Variants in PRKN observed in about 807,000 individuals in gnomAD.
PRKN encodes the protein E3 ubiquitin-protein ligase parkin.
PRKN carries 56 observed loss-of-function variants against 59.5 expected under a neutral mutation model. That is an observed-to-expected ratio of 0.94 (90% CI 0.76 to 1.18). The LOEUF is 1.18. Among genes scored for constraint, PRKN ranks in the 50% most tolerant of loss-of-function variants. PRKN has a pLI of 0.00. For missense variants in PRKN, 657 were observed against 596.4 expected, an observed-to-expected ratio of 1.10 and a Z score of -1.06; for synonymous variants, 250 against 222.1, an observed-to-expected ratio of 1.13 and a Z score of -1.12.
chr6:161,586,111 G>A (rs1442329879), intron 7 of PRKN, among the ~76,000 whole-genome samples: 1 of 152,102 alleles, frequency 6.6e-6, no homozygotes, highest in East Asian at 1.9e-4. Flanking sequence ...CAGCTCCTGG[G>A]AGCAATCCTC....
chr6:161,739,991 G>A (rs898698120), intron 7 of PRKN, among the ~76,000 whole-genome samples: 1 of 152,154 alleles, frequency 6.6e-6, no homozygotes, highest in African/African-American at 2.4e-5. Context: ...CTGACCTCAG[G>A]TGATCTGCCC....
At position 161,545,576 on chromosome 6, in the gene PRKN, A is replaced by C. The variant is rs771329199; in HGVS notation, c.1083+3278T>G. On this transcript the variant is annotated intron_variant, in intron 9 of 11. Coordinates refer to ENST00000366898, the MANE Select transcript of PRKN (RefSeq NM_004562.3). The surrounding 1 kb of genome is among the most constrained non-coding windows in gnomAD (Gnocchi z 4.1). ...TTCCATTACACTCCTTAAACCCAGA[A>C]AAGATGGGCAGCTTACAAGGTTATA... 19 of 680,164 alleles carry C rather than the reference A, an allele frequency of 2.8e-5. No individual in the cohort carries two copies. The highest frequency in any genetic ancestry group is 4.3e-5 in the Non-Finnish European group (16 of 376,030). The allele number at this position is 680,164 out of a possible 1,614,324, so 42.1% of individuals were successfully genotyped here. A position where few individuals can be genotyped will look rare whatever the true frequency, so the allele number is the denominator to read the frequency against.
chr6:162,179,140 G>A (rs544707894), intron 4 of PRKN, among the ~76,000 whole-genome samples: 1 of 152,086 alleles, frequency 6.6e-6, no homozygotes, highest in African/African-American at 2.4e-5. Flanking sequence ...TCGGCCTCTC[G>A]AAGTGCTGGG....
intron 8 of PRKN, among the ~76,000 whole-genome samples, chr6:161,564,261 C>T (rs1343422696): frequency 6.6e-6 from 1 of 152,152 alleles, no homozygotes; most frequent in Non-Finnish European, 1.5e-5. Flanking sequence ...CATGAATAAT[C>T]AGGATATAAA....
chr6:162,476,319 G>A (rs980081544), intron 1 of PRKN, among the ~76,000 whole-genome samples: 5 of 151,856 alleles, frequency 3.3e-5, no homozygotes, highest in Non-Finnish European at 7.4e-5. Flanking sequence ...TGATCCACCC[G>A]CCTCGGCCTC....
rs1387515469 is a variant in PRKN, at chr6:161,442,200, C to A, written c.1084-55323G>T. Among the ~76,000 whole-genome samples, 5 of 152,162 alleles carry A rather than the reference C, an allele frequency of 3.3e-5. No homozygotes were observed. Among genetic ancestry groups the A allele is most frequent in the African/African-American group, 4.8e-5 (2 of 41,428 alleles). ...AAAGTCTGTCAGAAAGATTTTTAAT[C>A]ATCTTTAAGTAAACTTCAATTTCTC... On this transcript the variant is annotated intron_variant, in intron 9 of 11. Coordinates refer to ENST00000366898, the MANE Select transcript of PRKN (RefSeq NM_004562.3). This position sits in a 1 kb window ranked among gnomAD's most constrained non-coding sequence, Gnocchi z 4.6.
chr6:162,228,285 A>G (rs7766877), intron 3 of PRKN, among the ~76,000 whole-genome samples: 63,572 of 152,032 alleles, frequency 0.42, 15,209 homozygotes, highest in East Asian at 0.78. Context: ...TGTGGAATTG[A>G]CTTCTTAGAG....
At chr6:162,232,734 G>A (rs1400574251) in intron 3 of PRKN, among the ~76,000 whole-genome samples, 2 of 152,030 alleles carry the variant, frequency 1.3e-5, no homozygotes, top group Non-Finnish European at 2.9e-5. Flanking sequence ...GTGATCAGGG[G>A]CTGCCTTAAT....
intron 1 of PRKN, among the ~76,000 whole-genome samples, chr6:162,671,931 C>G (rs1473749778): frequency 6.6e-6 from 1 of 151,920 alleles, no homozygotes; most frequent in Admixed American, 6.6e-5. Flanking sequence ...GTGACGGAGG[C>G]AGACACCAGG....
intron 3 of PRKN, among the ~76,000 whole-genome samples, chr6:162,212,057 A>G (rs1785221727): frequency 6.6e-6 from 1 of 152,158 alleles, no homozygotes; most frequent in South Asian, 2.1e-4. Flanking sequence ...ACTCCAGCTG[A>G]AACACTCTTC....
At chr6:161,640,378 G>A (rs7754563) in intron 7 of PRKN, among the ~76,000 whole-genome samples, 43,335 of 151,916 alleles carry the variant, frequency 0.29, 7,290 homozygotes, top group African/African-American at 0.47. Flanking sequence ...GTTTTATGTG[G>A]TCTGGAAGGC....
At chr6:162,103,063 A>G (rs1366431283) in intron 4 of PRKN, among the ~76,000 whole-genome samples, 1 of 151,586 alleles carries the variant, frequency 6.6e-6, no homozygotes, top group East Asian at 1.9e-4. Flanking sequence ...AAAAAAAGAA[A>G]AAAAGAAATA....
intron 8 of PRKN, 149 bp downstream of exon 8, chr6:161,569,206 C>T: frequency 1.4e-6 from 1 of 711,880 alleles, no homozygotes; most frequent in Non-Finnish European, 2.6e-6. Context: ...AAAAAAGTGT[C>T]CTCACACATA....
chr6:161,864,667 G>GT (rs752528102), intron 6 of PRKN, among the ~76,000 whole-genome samples: 14 of 151,952 alleles, frequency 9.2e-5, no homozygotes, highest in Non-Finnish European at 1.5e-4. Context: ...AGTTTGTTTT[G>GT]TTTTTTTGAG....
intron 7 of PRKN, among the ~76,000 whole-genome samples, chr6:161,695,142 T>A (rs1785965462): frequency 6.6e-6 from 1 of 152,158 alleles, no homozygotes; most frequent in Non-Finnish European, 1.5e-5. Flanking sequence ...GACACGGTTT[T>A]GCCTAATGAC....
chr6:162,549,680 C>A (rs920100618), intron 1 of PRKN, among the ~76,000 whole-genome samples: 5 of 148,794 alleles, frequency 3.4e-5, no homozygotes, highest in Non-Finnish European at 7.4e-5. Context: ...GCTCTGTGGC[C>A]CAGGCTGAAG....
intron 6 of PRKN, among the ~76,000 whole-genome samples, chr6:161,936,209 A>C (rs1779350386): frequency 1.5e-5 from 2 of 137,094 alleles, no homozygotes; most frequent in South Asian, 4.7e-4. Context: ...TCATGGCAAC[A>C]TTTTTTTTTT....
intron 7 of PRKN, among the ~76,000 whole-genome samples, chr6:161,733,794 A>ATG (rs1554298491): frequency 1.3e-5 from 1 of 76,072 alleles, no homozygotes; most frequent in Non-Finnish European, 2.6e-5. Context: ...ATATATATAT[A>ATG]TATGTATATA....
intron 1 of PRKN, among the ~76,000 whole-genome samples, chr6:162,626,200 G>A (rs556483381): frequency 3.1e-4 from 47 of 152,206 alleles, no homozygotes; most frequent in African/African-American, 1.1e-3. Context: ...ATGCTGGATG[G>A]GGAATTTACC....
Sources: gnomAD v4.1 joint callset for allele counts (sites outside exome capture counted in the v4.1 genomes callset) on GRCh38, gnomAD v4.1.1 for gene constraint, Gnocchi (gnomAD v3.1) non-coding constraint, MANE v1.5 for transcripts, NCBI Gene and HGNC (gene_info 2026-07-23, HGNC 2026-07-21) for gene names.